Variants in KIAA0040 observed in about 807,000 individuals in gnomAD.
KIAA0040 encodes the protein KIAA0040.
In KIAA0040, 10 loss-of-function variants were observed where a neutral mutation model predicts 7.2. The observed-to-expected ratio is 1.38, with a 90% CI of 0.85 to 2.34. The LOEUF (loss-of-function observed/expected upper bound fraction) is 2.34, where lower values mean the gene tolerates loss of function less well. Among genes scored for constraint, KIAA0040 ranks in the 30% most tolerant of loss-of-function variants. The pLI is 0.00. For missense variants in KIAA0040, 89 were observed against 108.2 expected (o/e 0.82, Z 0.79); for synonymous variants, 49 against 40.1 (o/e 1.22, Z -0.84).
rs187138165 is a variant in KIAA0040 at position 175,160,953 on chromosome 1, C to G, written c.61G>C (p.Glu21Gln). The G allele has an allele frequency of 5.2e-6, 8 of 1,551,534 alleles. No homozygotes were observed. The highest frequency in any genetic ancestry group is 8.7e-7 in the Non-Finnish European group (1 of 1,146,974). ...IWDTILTKHQ[E>Q]GIYNTICLGV... ...AGGCAGATGGTGTTGTAGATGCCTT[C>G]TTGGTGTTTGGTCAAGATGGTGTCC... Residue 21 changes from glutamate to glutamine, a missense_variant, in exon 4 of 4, where the codon GAA becomes CAA. Physicochemically the swap from Glu to Gln is conservative, Grantham distance 29. Coordinates refer to ENST00000423313, the MANE Select transcript of KIAA0040 (RefSeq NM_014656.3).
At chr1:175,184,528 A>C (rs1677579852) in intron 1 of KIAA0040, among the ~76,000 whole-genome samples, 1 of 152,218 alleles carries the variant, frequency 6.6e-6, no homozygotes, top group South Asian at 2.1e-4. Flanking sequence ...CTGTTTTGAG[A>C]AAGTCTATGA....
chr1:175,191,785 G>A (rs1457857470), intron 1 of KIAA0040, among the ~76,000 whole-genome samples: 1 of 152,220 alleles, frequency 6.6e-6, no homozygotes, highest in African/African-American at 2.4e-5. Flanking sequence ...TTAGAAGGGA[G>A]GAGCTTCCAA....
intron 2 of KIAA0040, among the ~76,000 whole-genome samples, chr1:175,169,486 G>A (rs895031021): frequency 4.6e-5 from 7 of 152,202 alleles, no homozygotes; most frequent in Non-Finnish European, 1.0e-4. Flanking sequence ...GCCTTGCCTA[G>A]CAATAAAAGT....
intron 1 of KIAA0040, among the ~76,000 whole-genome samples, chr1:175,190,165 A>G (rs931553679): frequency 1.3e-5 from 2 of 152,256 alleles, no homozygotes; most frequent in African/African-American, 4.8e-5. Flanking sequence ...AGGAGTGATA[A>G]TTAAATGCAT....
rs1676522195 is a variant in KIAA0040 at position 175,161,042 on chromosome 1, C to A, written c.-29G>T. ...GCTTGGCTAGATTAGGGCCAGAGAA[C>A]CCTCTCGGCTTACAAGCAGGTCCTG... On this transcript the variant is annotated 5_prime_UTR_variant, in exon 4 of 4. Coordinates refer to ENST00000423313, the MANE Select transcript of KIAA0040 (RefSeq NM_014656.3). 3 of 1,526,380 alleles carry A rather than the reference C, an allele frequency of 2.0e-6. No homozygotes were observed. Among genetic ancestry groups the A allele is most frequent in the East Asian group, 2.5e-5 (1 of 40,614 alleles). The allele number at this position is 1,526,380 out of a possible 1,614,324, so 94.6% of individuals were successfully genotyped here.
chr1:175,158,442 G>A lies in KIAA0040; in HGVS notation c.*2272C>T, dbSNP rs1342914256. The A allele has an allele frequency of 1.3e-5, 2 of 152,152 alleles. No homozygotes were observed. The highest frequency in any genetic ancestry group is 2.1e-4 in the South Asian group (1 of 4,832). The allele number at this position is 152,152 out of a possible 1,614,324, so 9.4% of individuals were successfully genotyped here. Reference sequence around the variant, plus strand: ...GAAACCATGTTACTTGTATGGTCCCGGATCCCGGTGATCCGCCCTCCTAGA... The same window carrying A: ...GAAACCATGTTACTTGTATGGTCCCAGATCCCGGTGATCCGCCCTCCTAGA... On this transcript the variant is annotated 3_prime_UTR_variant, in exon 4 of 4. Transcript: ENST00000423313.
intron 1 of KIAA0040, among the ~76,000 whole-genome samples, chr1:175,184,473 C>T (rs1434652834): frequency 6.6e-6 from 1 of 152,194 alleles, no homozygotes; most frequent in African/African-American, 2.4e-5. Flanking sequence ...CAGCCAAAGC[C>T]ATTGGAGGCC....
At chr1:175,187,577 A>C (rs1677710639) in intron 1 of KIAA0040, among the ~76,000 whole-genome samples, 1 of 152,210 alleles carries the variant, frequency 6.6e-6, no homozygotes, top group Non-Finnish European at 1.5e-5. Flanking sequence ...CTTGACTCAG[A>C]GTGCAGCATT....
chr1:175,164,589 A>G (rs1676682235), intron 3 of KIAA0040, among the ~76,000 whole-genome samples: 1 of 152,188 alleles, frequency 6.6e-6, no homozygotes, highest in African/African-American at 2.4e-5. Flanking sequence ...TTCAAGCTAA[A>G]GCTAAGTCAA....
Position 175,160,857 on chromosome 1 carries a change from T to C in KIAA0040, c.157A>G (p.Ser53Gly). 1 of 1,551,458 alleles carries C rather than the reference T, an allele frequency of 6.4e-7. No homozygotes were observed. The highest frequency in any genetic ancestry group is 2.0e-5 in the Admixed American group (1 of 50,988). ...TGCTGGCCCCTCTTGCCTGGTGGGC[T>C]CCAGCAGCAATGGCAACAGATGAAG... is the stretch of plus-strand genomic sequence containing the variant. ...LLFICCHCCW[S>G]PPGKRGQQPE... The change falls in exon 4 of 4, where the codon AGC (serine) becomes GGC (glycine). Residue 53 changes from serine to glycine, a missense_variant. By Grantham distance (56) the Ser-to-Gly change is moderately conservative (BLOSUM62 0). Transcript: ENST00000423313.
At chr1:175,187,739 C>T (rs1489592518) in intron 1 of KIAA0040, among the ~76,000 whole-genome samples, 2 of 139,334 alleles carry the variant, frequency 1.4e-5, no homozygotes, top group African/African-American at 5.0e-5. Flanking sequence ...ACCCTCTTTC[C>T]CTGCCCCTAC....
At chr1:175,170,381 C>T (rs894558290) in intron 2 of KIAA0040, among the ~76,000 whole-genome samples, 3 of 152,086 alleles carry the variant, frequency 2.0e-5, no homozygotes, top group Non-Finnish European at 2.9e-5. Flanking sequence ...TCTTTCAATT[C>T]GTCTTTCTAA....
At chr1:175,179,663 G>A (rs1359852552) in intron 1 of KIAA0040, among the ~76,000 whole-genome samples, 2 of 152,110 alleles carry the variant, frequency 1.3e-5, no homozygotes, top group African/African-American at 4.8e-5. Flanking sequence ...ATTTATGATT[G>A]GTGAAAGTCC....
rs76331214 is a variant in KIAA0040, at chr1:175,188,226, A to G, written c.-384+4414T>C. Among the ~76,000 whole-genome samples the G allele has an allele frequency of 6.0e-3, 920 of 152,134 alleles. 9 individuals carry two copies. The highest frequency in any genetic ancestry group is 0.021 in the African/African-American group (870 of 41,488). ...CCCTTGGGAGTTGCCTCTGAGAAAG[A>G]AATTTTGTGTTTGTGTGAGGTTCGT... On this transcript the variant is annotated intron_variant, in intron 1 of 3. Coordinates refer to ENST00000423313, the MANE Select transcript of KIAA0040 (RefSeq NM_014656.3).
chr1:175,160,830 G>T lies in KIAA0040; in HGVS notation c.184C>A (p.Pro62Thr). The T allele has an allele frequency of 1.3e-6, 2 of 1,549,394 alleles. No individual in the cohort carries two copies. The highest frequency in any genetic ancestry group is 1.7e-6 in the Non-Finnish European group (2 of 1,146,718). Residue 62 changes from proline to threonine, a missense_variant, in exon 4 of 4, where the codon CCA (proline) becomes ACA (threonine). Coordinates refer to ENST00000423313, the MANE Select transcript of KIAA0040 (RefSeq NM_014656.3). ...WSPPGKRGQQ[P>T]EKNKKKKKKK... ...TTCTTCTTCTTCTTGTTCTTCTCTG[G>T]CTGCTGGCCCCTCTTGCCTGGTGGG...
rs1375770695 is a variant in KIAA0040 at position 175,166,566 on chromosome 1, A to C, written c.-138T>G. On this transcript the variant is annotated 5_prime_UTR_variant, in exon 3 of 4. Transcript: ENST00000423313. ...GAGACGGGGGATGAAGTTTACCTCC[A>C]CACACAGCAGCAAAATGGCCAGCCA... The C allele has an allele frequency of 6.6e-6, 1 of 152,276 alleles. No individual in the cohort carries two copies. Among genetic ancestry groups the C allele is most frequent in the Non-Finnish European group, 1.5e-5 (1 of 68,074 alleles). 9.4% of individuals were successfully genotyped at this position (152,276 alleles called of 1,614,324 possible). A position where few individuals can be genotyped will look rare whatever the true frequency, so the allele number is the denominator to read the frequency against.
rs541946092 is a variant in KIAA0040, at chr1:175,190,094, T to C, written c.-384+2546A>G. On this transcript the variant is annotated intron_variant, in intron 1 of 3. Transcript: ENST00000423313. ...GGTAGGTAACTAAAGACTTGGAGTG[T>C]GAGTTCTGGAAAGGTCTTCACAGAT... Among the ~76,000 whole-genome samples the C allele has an allele frequency of 2.0e-5, 3 of 152,358 alleles. No individual in the cohort carries two copies. The East Asian group carries it at 5.8e-4, about 29-fold the overall frequency.
At chr1:175,189,638 G>T (rs1030751803) in intron 1 of KIAA0040, among the ~76,000 whole-genome samples, 1 of 152,190 alleles carries the variant, frequency 6.6e-6, no homozygotes, top group Non-Finnish European at 1.5e-5. Context: ...TGAAGATGCT[G>T]CCCAGAGCTT....
intron 2 of KIAA0040, among the ~76,000 whole-genome samples, chr1:175,170,505 C>T (rs910295186): frequency 6.6e-6 from 1 of 152,132 alleles, no homozygotes; most frequent in Non-Finnish European, 1.5e-5. Context: ...TCCTATTACC[C>T]CAGCCTCACC....
Sources: allele counts gnomAD v4.1 joint callset (sites outside exome capture counted in the v4.1 genomes callset), GRCh38; gene constraint gnomAD v4.1.1; transcripts MANE v1.5; gene names NCBI Gene and HGNC (gene_info 2026-07-23, HGNC 2026-07-21).